Variants in DPYSL2 observed in about 807,000 individuals in gnomAD.
The protein encoded by DPYSL2 is dihydropyrimidinase-related protein 2.
A neutral mutation model predicts 69.9 loss-of-function variants in DPYSL2; 13 were observed. The observed-to-expected ratio is 0.19, with a 90% CI of 0.12 to 0.30. The LOEUF (loss-of-function observed/expected upper bound fraction) is 0.30. DPYSL2 is among the 10% of genes least tolerant of loss of function. DPYSL2 has a pLI of 1.00. For synonymous variants in DPYSL2, 326 were observed against 359.1 expected (o/e 0.91, Z 1.04); for missense variants, 587 against 918.9 (o/e 0.64, Z 4.67).
At chr8:26,552,442 C>A (rs1381173467) in intron 1 of DPYSL2, among the ~76,000 whole-genome samples, 1 of 152,092 alleles carries the variant, frequency 6.6e-6, no homozygotes, top group Non-Finnish European at 1.5e-5. Flanking sequence ...GAAAATAAAA[C>A]CAAAAGCTGA....
chr8:26,581,173 C>A (rs1801483536), intron 1 of DPYSL2, among the ~76,000 whole-genome samples: 1 of 152,092 alleles, frequency 6.6e-6, no homozygotes, highest in Admixed American at 6.5e-5. Context: ...ATATAAAGGA[C>A]ATATTGAATG....
At chr8:26,540,160 C>A (rs189673457) in intron 1 of DPYSL2, among the ~76,000 whole-genome samples, 3 of 152,114 alleles carry the variant, frequency 2.0e-5, no homozygotes, top group African/African-American at 7.2e-5. Flanking sequence ...GGAAGTTCAA[C>A]AAAGAGATAA....
Position 26,643,625 on chromosome 8 carries a change from C to T in DPYSL2, c.1283+30C>T, listed in dbSNP as rs1040889867. 2 of 1,614,030 alleles carry T rather than the reference C, an allele frequency of 1.2e-6. No individual in the cohort carries two copies. Among genetic ancestry groups the T allele is most frequent in the African/African-American group, 1.3e-5 (1 of 74,942 alleles). On this transcript the variant is annotated intron_variant, in intron 9 of 13. Coordinates refer to ENST00000521913, the MANE Select transcript of DPYSL2 (RefSeq NM_001197293.3). The surrounding 1 kb of genome is among the most constrained non-coding windows in gnomAD (Gnocchi z 6.5). The stretch of plus-strand genomic sequence containing the variant: ...GTCCTGGCGACTTGTTCACACTTCA[C>T]ATTCTGTCTTTCTTCAGACCAGACT...
At position 26,641,014 on chromosome 8, in the gene DPYSL2, C is replaced by A. The variant is rs142323078; in HGVS notation, c.1127-2425C>A. Among the ~76,000 whole-genome samples, 1,119 of 152,270 alleles carry A rather than the reference C, an allele frequency of 7.3e-3. 12 individuals carry two copies. The highest frequency in any genetic ancestry group is 0.011 in the Non-Finnish European group (779 of 68,024). Reference sequence around the variant, plus strand: ...AATCCAGCTCCTCATAGAGCAGCTCCCCACCCCAAGCTGAGTTGTGTTTCG... The same window carrying A: ...AATCCAGCTCCTCATAGAGCAGCTCACCACCCCAAGCTGAGTTGTGTTTCG... On this transcript the variant is annotated intron_variant, in intron 8 of 13. Coordinates refer to ENST00000521913, the MANE Select transcript of DPYSL2 (RefSeq NM_001197293.3). This position sits in a 1 kb window ranked among gnomAD's most constrained non-coding sequence, Gnocchi z 4.1.
At chr8:26,583,300 A>T (rs189079170) in intron 2 of DPYSL2, among the ~76,000 whole-genome samples, 2 of 149,724 alleles carry the variant, frequency 1.3e-5, no homozygotes, top group East Asian at 3.9e-4. Flanking sequence ...CGCTTCCAAA[A>T]TTTTAAATCA....
chr8:26,602,624 G>A (rs1255388769), intron 3 of DPYSL2, among the ~76,000 whole-genome samples: 3 of 152,128 alleles, frequency 2.0e-5, no homozygotes, highest in African/African-American at 4.8e-5. Context: ...AACCCTGTTC[G>A]TTTATTCATT....
chr8:26,615,315 A>G (rs1563410572), intron 3 of DPYSL2, among the ~76,000 whole-genome samples: 1 of 152,198 alleles, frequency 6.6e-6, no homozygotes, highest in African/African-American at 2.4e-5. Flanking sequence ...TCACCTTTCA[A>G]TGTTTGTGAC....
chr8:26,559,016 C>A (rs377101809), intron 1 of DPYSL2, among the ~76,000 whole-genome samples: 2 of 152,156 alleles, frequency 1.3e-5, no homozygotes, highest in South Asian at 4.1e-4. Flanking sequence ...CATCTCAGCT[C>A]GCTGCAACCT....
intron 1 of DPYSL2, among the ~76,000 whole-genome samples, chr8:26,546,261 G>T (rs1800765329): frequency 6.6e-6 from 1 of 152,122 alleles, no homozygotes; most frequent in African/African-American, 2.4e-5. Context: ...CATGTAAATT[G>T]TATTGTGTTT....
chr8:26,577,607 C>T (rs400181), intron 1 of DPYSL2, among the ~76,000 whole-genome samples: 106,045 of 148,826 alleles, frequency 0.71, 39,187 homozygotes, highest in East Asian at 0.93. Context: ...GGTGCCGCCC[C>T]TCCCCCCGGC....
At chr8:26,622,746 T>C (rs1403400878) in intron 3 of DPYSL2, among the ~76,000 whole-genome samples, 1 of 152,178 alleles carries the variant, frequency 6.6e-6, no homozygotes, top group African/African-American at 2.4e-5. Context: ...ATGTGATCTG[T>C]CTGCCTTGGC....
Position 26,569,375 on chromosome 8 carries a change from AAC to A in DPYSL2, c.355-12592_355-12591del, listed in dbSNP as rs1342645230. ...TCTCCAAAAAAAAAACAAAAACAAA[AAC>A]AAAAAAAAACCAAAGAAAAACCCAA... On this transcript the variant is annotated intron_variant, in intron 1 of 13. Transcript: ENST00000521913. Among the ~76,000 whole-genome samples the A allele has an allele frequency of 4.4e-3, 82 of 18,562 alleles. 2 individuals are homozygous for A. Among genetic ancestry groups the A allele is most frequent in the East Asian group, 0.013 (1 of 76 alleles). The allele number at this position is 18,562 out of a possible 152,430, so 12.2% of individuals were successfully genotyped here.
At chr8:26,567,855 C>T (rs891635453) in intron 1 of DPYSL2, among the ~76,000 whole-genome samples, 4 of 152,232 alleles carry the variant, frequency 2.6e-5, no homozygotes, top group Non-Finnish European at 5.9e-5. Flanking sequence ...CTTAGTCTCT[C>T]CAGGCTCCAG....
rs983731653 is a variant in DPYSL2 at position 26,648,001 on chromosome 8, A to G, written c.1596+201A>G. Among the ~76,000 whole-genome samples the G allele has an allele frequency of 1.3e-5, 2 of 152,188 alleles. No individual in the cohort carries two copies. Among genetic ancestry groups the G allele is most frequent in the African/African-American group, 4.8e-5 (2 of 41,438 alleles). ...TGAGGTCAATAAGATTGTTACTCTCATAATCATTTTGGAATACCACAGCCT... is the reference window on the plus strand; with the variant it reads ...TGAGGTCAATAAGATTGTTACTCTCGTAATCATTTTGGAATACCACAGCCT... On this transcript the variant is annotated intron_variant, in intron 11 of 13. Coordinates refer to ENST00000521913, the MANE Select transcript of DPYSL2 (RefSeq NM_001197293.3). This position sits in a 1 kb window ranked among gnomAD's most constrained non-coding sequence, Gnocchi z 4.3.
Position 26,643,678 on chromosome 8 carries a change from G to T in DPYSL2, c.1283+83G>T. 6.3e-7 allele frequency: 1 copy of T among 1,580,676 alleles called. No homozygotes were observed. The highest frequency in any genetic ancestry group is 8.7e-7 in the Non-Finnish European group (1 of 1,155,764). ...CCTGTTAGGCGAAAACAACATGGTG[G>T]CCAAGAGCAGCCATAAAACTGGGAG... is the stretch of plus-strand genomic sequence containing the variant. On this transcript the variant is annotated intron_variant, in intron 9 of 13. Transcript: ENST00000521913. This position sits in a 1 kb window ranked among gnomAD's most constrained non-coding sequence, Gnocchi z 6.5.
chr8:26,627,895 G>A lies in DPYSL2; in HGVS notation c.960G>A (p.Leu320=), dbSNP rs1224139698. 6.2e-7 allele frequency: 1 copy of A among 1,613,878 alleles called. No individual in the cohort carries two copies. Among genetic ancestry groups the A allele is most frequent in the South Asian group, 1.1e-5 (1 of 91,030 alleles). Residue 320 remains leucine, a synonymous_variant, in exon 7 of 14, where the codon CTG becomes CTA. Coordinates refer to ENST00000521913, the MANE Select transcript of DPYSL2 (RefSeq NM_001197293.3). The surrounding 1 kb of genome is among the most constrained non-coding windows in gnomAD (Gnocchi z 6.9). ...AGGAGCAGCAGAGGATCCTGGATCT[G>A]GGCATCACGGGCCCCGAGGGACATG... ...IAEEQQRILD[L]GITGPEGHVL...
rs1802578101 is a variant in DPYSL2, at chr8:26,624,716, C to T, written c.793+409C>T. ...CAGGAGAGTGTTGGGCAGCCCCTTC[C>T]TACAAACCTGGATGGATCTAGGATA... On this transcript the variant is annotated intron_variant, in intron 4 of 13. Transcript: ENST00000521913. The surrounding 1 kb of genome is among the most constrained non-coding windows in gnomAD (Gnocchi z 4.7). 6.6e-6 allele frequency among the ~76,000 whole-genome samples: 1 copy of T among 152,136 alleles called. No homozygotes were observed. Among genetic ancestry groups the T allele is most frequent in the African/African-American group, 2.4e-5 (1 of 41,430 alleles).
At chr8:26,558,937 T>TATTA (rs769618023) in intron 1 of DPYSL2, among the ~76,000 whole-genome samples, 22 of 152,194 alleles carry the variant, frequency 1.4e-4, no homozygotes, top group Non-Finnish European at 2.2e-4. Flanking sequence ...TTTTTAAAAC[T>TATTA]ATTTATTTAT....
rs766481686 is a variant in DPYSL2 at position 26,653,266 on chromosome 8, A to G, written c.1811A>G (p.Tyr604Cys). 1 of 1,614,090 alleles carries G rather than the reference A, an allele frequency of 6.2e-7. No homozygotes were observed. Among genetic ancestry groups the G allele is most frequent in the Non-Finnish European group, 8.5e-7 (1 of 1,179,996 alleles). ...CTGAGAGGGGTTCCTCGTGGCCTGT[A>G]TGACGGACCTGTGTGTGAAGTGTCT... is the stretch of plus-strand genomic sequence containing the variant. ...AELRGVPRGL[Y>C]DGPVCEVSVT... The change falls in exon 13 of 14, where the codon TAT (tyrosine) becomes TGT (cysteine). Residue 604 changes from tyrosine (Y) to cysteine (C), a missense_variant. Tyr to Cys is a radical substitution (Grantham distance 194, BLOSUM62 -2). This residue lies in a region of DPYSL2 where 452 missense variants were observed against 754.3 expected (regional missense o/e 0.60). Transcript: ENST00000521913. The surrounding 1 kb of genome is among the most constrained non-coding windows in gnomAD (Gnocchi z 5.7).
Sources: gnomAD v4.1 joint callset for allele counts (sites outside exome capture counted in the v4.1 genomes callset) on GRCh38, gnomAD v4.1.1 for gene constraint, gnomAD v4.1.1 regional missense constraint, Gnocchi (gnomAD v3.1) non-coding constraint, MANE v1.5 for transcripts, NCBI Gene and HGNC (gene_info 2026-07-23, HGNC 2026-07-21) for gene names.